The following REPS2 variants were observed in gnomAD, a reference collection of about 807,000 sequenced individuals.
REPS2 encodes RALBP1 associated Eps domain containing 2, also known as ralBP1-associated Eps domain-containing protein 2.
Under a neutral mutation model 53.6 loss-of-function variants are expected in REPS2, and 23 were observed. That is an observed-to-expected ratio of 0.43 (90% CI 0.31 to 0.61). The LOEUF is 0.61. Ranked by LOEUF, REPS2 falls within the 20% of genes least tolerant of loss-of-function variation. REPS2 has a pLI of 0.11. For missense variants in REPS2, 446 were observed against 534.9 expected (o/e 0.83, Z 1.64); for synonymous variants, 238 against 218.6 (o/e 1.09, Z -0.78).
intron 1 of REPS2, among the ~76,000 whole-genome samples, chrX:16,967,834 A>G (rs1014267866): frequency 1.2e-4 from 13 of 107,760 alleles, no homozygotes; most frequent in Non-Finnish European, 2.3e-4. Flanking sequence ...TTGCATACCC[A>G]TATTGGTTTT....
chrX:17,025,324 A>G, intron 4 of REPS2, 139 bp downstream of exon 4: 1 of 669,153 alleles, frequency 1.5e-6, no homozygotes, highest in Non-Finnish European at 2.1e-6. Context: ...ATTTAATTTT[A>G]TATTCTCAAG....
At chrX:17,162,057 C>T in the REPS2 span, among the ~76,000 whole-genome samples, 2 of 112,304 alleles carry the variant, frequency 1.8e-5, no homozygotes, top group African/African-American at 6.5e-5. Context: ...TAAAGACTGG[C>T]TTAGGTGTGC....
intron 13 of REPS2, among the ~76,000 whole-genome samples, chrX:17,088,322 C>A (rs1016667541): frequency 9.9e-5 from 11 of 111,269 alleles, no homozygotes; most frequent in African/African-American, 3.3e-4. Flanking sequence ...AACCAGACAC[C>A]CATCTTTGAC....
chrX:17,156,124 G>C (rs2148197374), downstream of REPS2, among the ~76,000 whole-genome samples: 1 of 111,971 alleles, frequency 8.9e-6, no homozygotes, highest in Admixed American at 9.5e-5. Flanking sequence ...TTTCAAATGT[G>C]AAGTGTTCTG....
Position 17,022,238 on chromosome X carries a change from T to A in REPS2, c.513T>A (p.Asn171Lys). ...VQIPYLTTEK[N>K]SFKRMDDEDK... ...TTCCATATTTAACTACAGAAAAAAATTCCTTCAAAAGAATGGACGATGAGG... is the reference window on the plus strand; with the variant it reads ...TTCCATATTTAACTACAGAAAAAAAATCCTTCAAAAGAATGGACGATGAGG... Residue 171 changes from asparagine (N) to lysine (K), a missense_variant, in exon 3 of 18, where the codon AAT (asparagine) becomes AAA (lysine). Physicochemically the swap from Asn to Lys is moderately conservative, Grantham distance 94. Coordinates refer to ENST00000357277, the MANE Select transcript of REPS2 (RefSeq NM_004726.3). 2 of 1,209,816 alleles carry A rather than the reference T, an allele frequency of 1.7e-6. No individual in the cohort carries two copies. The highest frequency in any genetic ancestry group is 2.2e-6 in the Non-Finnish European group (2 of 894,014).
rs1004486886 is a variant in REPS2, at chrX:17,147,797, G to A, written c.*316G>A. The A allele has an allele frequency of 1.2e-5, 2 of 169,954 alleles. No individual in the cohort carries two copies. The highest frequency in any genetic ancestry group is 2.2e-5 in the Non-Finnish European group (2 of 91,099). 14.0% of individuals were successfully genotyped at this position (169,954 alleles called of 1,213,427 possible). On this transcript the variant is annotated 3_prime_UTR_variant, in exon 18 of 18. Coordinates refer to ENST00000357277, the MANE Select transcript of REPS2 (RefSeq NM_004726.3). ...TTCTAGCAAATAAAAATAACTTAGAGCATTATTTATTTAAAGAATTTATGT... is the reference window on the plus strand; with the variant it reads ...TTCTAGCAAATAAAAATAACTTAGAACATTATTTATTTAAAGAATTTATGT...
At position 17,150,386 on chromosome X, in the gene REPS2, C is replaced by T. The variant is rs1316045480; in HGVS notation, c.*2905C>T. ...TCTTCCCCCATTGGGATCCTACAGT[C>T]CCACAGATGAAAGCACAGTAGTAGC... On this transcript the variant is annotated 3_prime_UTR_variant, in exon 18 of 18. Coordinates refer to ENST00000357277, the MANE Select transcript of REPS2 (RefSeq NM_004726.3). 8.9e-6 allele frequency: 1 copy of T among 112,464 alleles called. No individual in the cohort carries two copies. The highest frequency in any genetic ancestry group is 1.9e-5 in the Non-Finnish European group (1 of 53,327). The allele number at this position is 112,464 out of a possible 1,213,427, so 9.3% of individuals were successfully genotyped here.
intron 9 of REPS2, among the ~76,000 whole-genome samples, chrX:17,067,803 G>A (rs772065453): frequency 1.8e-5 from 2 of 111,844 alleles, no homozygotes; most frequent in African/African-American, 6.5e-5. Context: ...TTTGTTCTTG[G>A]CCAAATGGAC....
At chrX:17,147,037 G>T (rs904931646) in intron 17 of REPS2, among the ~76,000 whole-genome samples, 1 of 111,846 alleles carries the variant, frequency 8.9e-6, no homozygotes, top group Non-Finnish European at 1.9e-5. Context: ...TTTAAGTCCT[G>T]TTGGCTCACT....
At chrX:16,989,585 TAAC>T (rs1483830476) in intron 1 of REPS2, among the ~76,000 whole-genome samples, 1 of 111,902 alleles carries the variant, frequency 8.9e-6, no homozygotes, top group African/African-American at 3.2e-5. Context: ...TTTCAAAACT[TAAC>T]AGTAGAAAAC....
At chrX:17,082,523 G>T (rs922376644) in intron 13 of REPS2, among the ~76,000 whole-genome samples, 1 of 112,312 alleles carries the variant, frequency 8.9e-6, no homozygotes, top group East Asian at 2.8e-4. Flanking sequence ...CACATCCAGG[G>T]CTAGTGTCTG....
chrX:16,975,985 G>A (rs1846031885), intron 1 of REPS2, among the ~76,000 whole-genome samples: 1 of 111,808 alleles, frequency 8.9e-6, no homozygotes, highest in Admixed American at 9.5e-5. Context: ...GTGGCATTAA[G>A]TACATTCACA....
chrX:16,950,088 C>T (rs2147590592), intron 1 of REPS2, among the ~76,000 whole-genome samples: 1 of 109,380 alleles, frequency 9.1e-6, no homozygotes, highest in East Asian at 2.9e-4. Context: ...TTTACTGTCC[C>T]CATAGTTTTG....
rs550117809 is a variant in REPS2, at chrX:16,996,546, T to G, written c.274-9675T>G. On this transcript the variant is annotated intron_variant, in intron 1 of 17. Coordinates refer to ENST00000357277, the MANE Select transcript of REPS2 (RefSeq NM_004726.3). ...ATGTCAGAGAGGCGAGAGGTGCATTTGTTATTTTAACAATTGGATTGGGTC... is the reference window on the plus strand; with the variant it reads ...ATGTCAGAGAGGCGAGAGGTGCATTGGTTATTTTAACAATTGGATTGGGTC... 1.2e-3 allele frequency among the ~76,000 whole-genome samples: 139 copies of G among 112,350 alleles called. 1 individual carries two copies. The highest frequency in any genetic ancestry group is 6.7e-3 in the South Asian group (18 of 2,699).
At chrX:17,174,879 G>T in the REPS2 span, among the ~76,000 whole-genome samples, 1 of 112,802 alleles carries the variant, frequency 8.9e-6, no homozygotes, top group East Asian at 2.8e-4. Context: ...CCTGCTGCCT[G>T]TCAGTCACAG....
chrX:17,012,591 C>T (rs1181734801), intron 2 of REPS2, among the ~76,000 whole-genome samples: 1 of 108,930 alleles, frequency 9.2e-6, no homozygotes, highest in African/African-American at 3.4e-5. Context: ...GATTTCTTTT[C>T]ACTAGTCCCT....
chrX:17,000,307 T>A (rs928708206), intron 1 of REPS2, among the ~76,000 whole-genome samples: 4 of 111,399 alleles, frequency 3.6e-5, no homozygotes, highest in Non-Finnish European at 5.6e-5. Flanking sequence ...TTTATTAAAT[T>A]TTTTTTAGAG....
intron 3 of REPS2, 112 bp from the exon 4 acceptor site, chrX:17,024,947 T>G: frequency 9.5e-7 from 1 of 1,050,184 alleles, no homozygotes; most frequent in Non-Finnish European, 1.3e-6. Context: ...TTTCCCCCCA[T>G]TTGTTAAACC....
At chrX:17,004,406 A>C (rs935604826) in intron 1 of REPS2, among the ~76,000 whole-genome samples, 2 of 75,702 alleles carry the variant, frequency 2.6e-5, no homozygotes, top group African/African-American at 1.1e-4. Flanking sequence ...AACCTTTCAG[A>C]ACTAACCTTT....
Sources: gnomAD v4.1 joint callset for allele counts (sites outside exome capture counted in the v4.1 genomes callset) on GRCh38, gnomAD v4.1.1 for gene constraint, MANE v1.5 for transcripts, NCBI Gene and HGNC (gene_info 2026-07-23, HGNC 2026-07-21) for gene names.